The following OR14A2 variants were observed in gnomAD, a reference collection of about 807,000 sequenced individuals.
The protein encoded by OR14A2 is olfactory receptor family 14 subfamily A member 2.
For missense variants in OR14A2, 237 were observed against 152.9 expected (o/e 1.55, Z -2.90); for synonymous variants, 114 against 58.6 (o/e 1.95, Z -4.32).
At position 247,723,410 on chromosome 1, in the gene OR14A2, T is replaced by C. The variant is rs778461777; in HGVS notation, c.634A>G (p.Ile212Val). The C allele has an allele frequency of 4.2e-6, 3 of 717,372 alleles. No individual in the cohort carries two copies. The South Asian group carries it at 4.4e-5, about 11-fold the overall frequency. The allele number at this position is 717,372 out of a possible 1,614,324, so 44.4% of individuals were successfully genotyped here. A position where few individuals can be genotyped will look rare whatever the true frequency, so the allele number is the denominator to read the frequency against. The stretch of plus-strand genomic sequence containing the variant: ...AAGATATAAATGTAAGAGATCACAA[T>C]ACAGATGAAACAAGAAATGCTTAAA... Residue 212 changes from isoleucine to valine, a missense_variant, in exon 1 of 1, where the codon ATT (isoleucine) becomes GTT (valine). By Grantham distance (29) the Ile-to-Val change is conservative (BLOSUM62 3). Coordinates refer to ENST00000366485, the Ensembl canonical transcript of OR14A2.
the OR14A2 span, among the ~76,000 whole-genome samples, chr1:247,735,853 C>G: frequency 6.6e-6 from 1 of 152,112 alleles, no homozygotes; most frequent in Non-Finnish European, 1.5e-5. Flanking sequence ...CTAGATCTCC[C>G]TAAGAATTGA....
At chr1:247,724,748 C>G (rs922362483), upstream of OR14A2, among the ~76,000 whole-genome samples, 1 of 151,920 alleles carries the variant, frequency 6.6e-6, no homozygotes, top group African/African-American at 2.4e-5. Flanking sequence ...GTACTAAAGC[C>G]ACATCATTAT....
chr1:247,725,283 G>A (rs911013345), upstream of OR14A2, among the ~76,000 whole-genome samples: 2 of 151,934 alleles, frequency 1.3e-5, no homozygotes, highest in Non-Finnish European at 2.9e-5. Context: ...TAAAGTAAAG[G>A]TTACGGACAT....
upstream of OR14A2, among the ~76,000 whole-genome samples, chr1:247,726,810 T>G (rs1245130392): frequency 3.4e-5 from 4 of 117,402 alleles, no homozygotes; most frequent in Non-Finnish European, 5.1e-5. Context: ...CATTGCTTGT[T>G]TTTCTCAGGT....
At chr1:247,724,851 G>T (rs1660297859), upstream of OR14A2, among the ~76,000 whole-genome samples, 1 of 151,956 alleles carries the variant, frequency 6.6e-6, no homozygotes, top group South Asian at 2.1e-4. Context: ...CTTGATCATG[G>T]TCAGTTGTCG....
the OR14A2 span, among the ~76,000 whole-genome samples, chr1:247,732,866 A>G: frequency 6.7e-4 from 102 of 152,158 alleles, 1 homozygote; most frequent in African/African-American, 2.4e-3. Flanking sequence ...CAGACTCAGC[A>G]CGCCCTTCCC....
chr1:247,740,302 C>T, the OR14A2 span, among the ~76,000 whole-genome samples: 3 of 152,116 alleles, frequency 2.0e-5, no homozygotes, highest in South Asian at 4.1e-4. Context: ...TTTATAGCTT[C>T]TGATTTTCAC....
the OR14A2 span, among the ~76,000 whole-genome samples, chr1:247,737,016 C>T: frequency 2.0e-5 from 3 of 152,192 alleles, no homozygotes; most frequent in South Asian, 2.1e-4. Flanking sequence ...AGGCTTGTCT[C>T]GAATTCCTGG....
the OR14A2 span, among the ~76,000 whole-genome samples, chr1:247,731,076 T>G: frequency 6.6e-6 from 1 of 152,138 alleles, no homozygotes; most frequent in African/African-American, 2.4e-5. Flanking sequence ...TTTTAGTATT[T>G]CAGTATATTT....
In OR14A2 at chr1:247,723,189, AG is replaced by A; in HGVS notation, c.854del (p.Pro285LeufsTer2). On this transcript the variant is annotated frameshift_variant, in exon 1 of 1. Transcript: ENST00000366485. LOFTEE classifies it low-confidence loss of function (END_TRUNC). The stretch of plus-strand genomic sequence containing the variant: ...CATTGTTCCGCAGGCTGTAGGTTAC[AG>A]GGTTAAATACTGGAGGCATCACAGT... 1.4e-6 allele frequency: 1 copy of A among 717,780 alleles called. No homozygotes were observed. The highest frequency in any genetic ancestry group is 2.0e-5 in the Admixed American group (1 of 50,024). The allele number at this position is 717,780 out of a possible 1,614,324, so 44.5% of individuals were successfully genotyped here.
At chr1:247,733,375 A>G in the OR14A2 span, among the ~76,000 whole-genome samples, 5 of 152,340 alleles carry the variant, frequency 3.3e-5, no homozygotes, top group Admixed American at 6.5e-5. Flanking sequence ...TTAAACTGAT[A>G]AAAGGCATCT....
exon 1 of OR14A2, chr1:247,723,838 A>T (rs1229104588): frequency 1.4e-6 from 1 of 717,902 alleles, no homozygotes; most frequent in African/African-American, 1.7e-5. Context: ...CACCAGGAAG[A>T]CATCCAAAAA....
chr1:247,728,481 A>G (rs1660440857), upstream of OR14A2, among the ~76,000 whole-genome samples: 1 of 152,144 alleles, frequency 6.6e-6, no homozygotes. Flanking sequence ...TGAATGGGCA[A>G]TAACTGGAAG....
chr1:247,743,567 T>C, the OR14A2 span, among the ~76,000 whole-genome samples: 2 of 152,240 alleles, frequency 1.3e-5, no homozygotes, highest in Non-Finnish European at 2.9e-5. Context: ...TGCAGGGATG[T>C]TTCATTATGT....
chr1:247,738,679 T>C, the OR14A2 span: 1 of 780,868 alleles, frequency 1.3e-6, no homozygotes, highest in Non-Finnish European at 2.4e-6. Flanking sequence ...TGGGTGCTCC[T>C]GAGGCTGCAT....
upstream of OR14A2, among the ~76,000 whole-genome samples, chr1:247,725,513 A>ATTTT (rs1014481153): frequency 7.0e-6 from 1 of 143,038 alleles, no homozygotes; most frequent in African/African-American, 2.8e-5. Flanking sequence ...TTATTTATTT[A>ATTTT]TTTTTTATTT....
At chr1:247,743,542 G>C in the OR14A2 span, among the ~76,000 whole-genome samples, 2 of 152,096 alleles carry the variant, frequency 1.3e-5, no homozygotes, top group African/African-American at 4.8e-5. Flanking sequence ...TTTAATTTTA[G>C]GCATTCTGGT....
At chr1:247,738,025 A>G in the OR14A2 span, among the ~76,000 whole-genome samples, 1 of 152,220 alleles carries the variant, frequency 6.6e-6, no homozygotes, top group Non-Finnish European at 1.5e-5. Flanking sequence ...TATGCTATGT[A>G]TATGGACTAA....
chr1:247,740,740 A>G, the OR14A2 span, among the ~76,000 whole-genome samples: 2 of 152,100 alleles, frequency 1.3e-5, no homozygotes, highest in Admixed American at 1.3e-4. Flanking sequence ...GTATCACCCT[A>G]TTTGTCCTCT....
Sources: allele counts gnomAD v4.1 joint callset (sites outside exome capture counted in the v4.1 genomes callset), GRCh38; gene constraint gnomAD v4.1.1; transcripts MANE v1.5; gene names NCBI Gene and HGNC (gene_info 2026-07-23, HGNC 2026-07-21).